Variants in FSTL4 observed in about 807,000 individuals in gnomAD.
The protein encoded by FSTL4 is follistatin-related protein 4.
In FSTL4, 28 loss-of-function variants were observed where a neutral mutation model predicts 78.2. The ratio of observed to expected loss-of-function variants is 0.36; its 90% CI spans 0.27 to 0.49. FSTL4 has a LOEUF of 0.49. Ranked by LOEUF, FSTL4 falls within the 20% of genes least tolerant of loss-of-function variation. The pLI is 0.98. For missense variants in FSTL4, 922 were observed against 1,084.9 expected (o/e 0.85, Z 2.11); for synonymous variants, 422 against 440.5 (o/e 0.96, Z 0.53).
At chr5:133,506,828 T>C (rs1758620952) in intron 3 of FSTL4, among the ~76,000 whole-genome samples, 1 of 152,238 alleles carries the variant, frequency 6.6e-6, no homozygotes, top group Non-Finnish European at 1.5e-5. Flanking sequence ...TAAATATTTG[T>C]TGGAGGAATG....
At chr5:133,717,093 G>A in the FSTL4 span, among the ~76,000 whole-genome samples, 1 of 152,204 alleles carries the variant, frequency 6.6e-6, no homozygotes, top group East Asian at 1.9e-4. Context: ...AAATCTGGGG[G>A]TTTATCATCA....
the FSTL4 span, among the ~76,000 whole-genome samples, chr5:133,826,354 A>G: frequency 6.6e-6 from 1 of 152,250 alleles, no homozygotes; most frequent in East Asian, 1.9e-4. Context: ...GGCTGCCATA[A>G]CAAAGGACCA....
At chr5:133,812,404 C>T in the FSTL4 span, among the ~76,000 whole-genome samples, 369 of 152,348 alleles carry the variant, frequency 2.4e-3, 4 homozygotes, top group Middle Eastern at 0.014. Flanking sequence ...TGTCCCCTGA[C>T]ACTTCTCCAT....
At position 133,400,923 on chromosome 5, in the gene FSTL4, C is replaced by T. The variant is rs368837848; in HGVS notation, c.224G>A (p.Arg75Gln). The stretch of plus-strand genomic sequence containing the variant: ...CCCTGTCTTCCTGCTGAGCACGCAC[C>T]GGCTCCCTCGGCTGCAGAACTTCTT... ...CGKKFCSRGS[R>Q]CVLSRKTGEP... The change falls in exon 4 of 16, where the codon CGG becomes CAG. Residue 75 changes from arginine (R) to glutamine (Q), a missense_variant. By Grantham distance (43) the Arg-to-Gln change is conservative. Coordinates refer to ENST00000265342, the MANE Select transcript of FSTL4 (RefSeq NM_015082.2). 8.2e-5 allele frequency: 132 copies of T among 1,613,338 alleles called. No homozygotes were observed. In the African/African-American group the frequency reaches 8.5e-4, roughly 10 times the overall value.
chr5:133,456,136 G>T (rs917654508), intron 3 of FSTL4, among the ~76,000 whole-genome samples: 1 of 152,224 alleles, frequency 6.6e-6, no homozygotes, highest in African/African-American at 2.4e-5. Context: ...TAATGTCCTG[G>T]TTATATTAGG....
intron 3 of FSTL4, among the ~76,000 whole-genome samples, chr5:133,494,457 G>A (rs562725043): frequency 7.9e-4 from 120 of 152,082 alleles, no homozygotes; most frequent in Non-Finnish European, 1.5e-3. Context: ...CTGAATCACT[G>A]GTGTTGTTAC....
rs191445412 is a variant in FSTL4 at position 133,440,612 on chromosome 5, T to C, written c.161-39626A>G. ...GCTAATAGTTTTCCATGGAGCTGGG[T>C]CACCTCCCTGGAGGCACAGGGTAGT... On this transcript the variant is annotated intron_variant, in intron 3 of 15. Coordinates refer to ENST00000265342, the MANE Select transcript of FSTL4 (RefSeq NM_015082.2). The surrounding 1 kb of genome is among the most constrained non-coding windows in gnomAD (Gnocchi z 4.1). Among the ~76,000 whole-genome samples the C allele has an allele frequency of 6.6e-6, 1 of 152,318 alleles. No individual in the cohort carries two copies. The highest frequency in any genetic ancestry group is 1.9e-4 in the East Asian group (1 of 5,188).
chr5:133,568,413 A>G (rs1191704200), intron 2 of FSTL4, among the ~76,000 whole-genome samples: 1 of 152,172 alleles, frequency 6.6e-6, no homozygotes, highest in East Asian at 1.9e-4. Context: ...ACACCTTAGC[A>G]TTCTTGTCTA....
At chr5:133,681,362 AG>A in the FSTL4 span, among the ~76,000 whole-genome samples, 401 of 152,296 alleles carry the variant, frequency 2.6e-3, no homozygotes, top group Non-Finnish European at 4.4e-3. Flanking sequence ...GGGGGATTGG[AG>A]GGGACTGCAA....
chr5:133,425,032 A>G (rs1421026662), intron 3 of FSTL4, among the ~76,000 whole-genome samples: 1 of 152,250 alleles, frequency 6.6e-6, no homozygotes, highest in African/African-American at 2.4e-5. Context: ...GGGTCTAACT[A>G]TTAGACTGTG....
Position 133,460,314 on chromosome 5 carries a change from G to A in FSTL4, c.161-59328C>T, listed in dbSNP as rs560623846. Among the ~76,000 whole-genome samples the A allele has an allele frequency of 5.9e-5, 9 of 151,902 alleles. 1 individual carries two copies. The South Asian group carries it at 1.9e-3, about 32-fold the overall frequency. ...ACCTTCCCCAGTGCTCTTTCCAAGG[G>A]CAGCAACCAAGCCACCGGGGGGATG... On this transcript the variant is annotated intron_variant, in intron 3 of 15. Transcript: ENST00000265342.
intron 3 of FSTL4, among the ~76,000 whole-genome samples, chr5:133,415,117 G>T (rs752826556): frequency 4.6e-5 from 7 of 152,238 alleles, no homozygotes; most frequent in Non-Finnish European, 1.0e-4. Context: ...TCTGATAGAA[G>T]AAATCAAAAG....
the FSTL4 span, among the ~76,000 whole-genome samples, chr5:133,699,273 C>A: frequency 6.6e-6 from 1 of 152,070 alleles, no homozygotes; most frequent in African/African-American, 2.4e-5. Flanking sequence ...GCCAGTCAGG[C>A]CATTTGGAGC....
the FSTL4 span, among the ~76,000 whole-genome samples, chr5:133,810,783 A>G: frequency 6.2e-4 from 94 of 152,302 alleles, no homozygotes; most frequent in African/African-American, 2.1e-3. Context: ...GGCCAGCACC[A>G]TGTTGCCTGT....
At chr5:133,788,649 C>T in the FSTL4 span, among the ~76,000 whole-genome samples, 80 of 152,350 alleles carry the variant, frequency 5.3e-4, no homozygotes, top group African/African-American at 1.9e-3. Context: ...ACAACACCTC[C>T]GTCAATCTCT....
the FSTL4 span, among the ~76,000 whole-genome samples, chr5:133,700,312 C>A: frequency 6.8e-6 from 1 of 147,914 alleles, no homozygotes; most frequent in Non-Finnish European, 1.5e-5. Context: ...ACCAAAACAT[C>A]ACACCAAAAC....
At chr5:133,717,204 G>A in the FSTL4 span, among the ~76,000 whole-genome samples, 1 of 152,178 alleles carries the variant, frequency 6.6e-6, no homozygotes, top group Non-Finnish European at 1.5e-5. Context: ...TCCAACAGTT[G>A]AGTGGATAAG....
chr5:133,839,453 GC>G, the FSTL4 span, among the ~76,000 whole-genome samples: 6 of 152,172 alleles, frequency 3.9e-5, no homozygotes, highest in Non-Finnish European at 5.9e-5. Flanking sequence ...TTAGCGTAAA[GC>G]CTCTGAAAAG....
intron 4 of FSTL4, among the ~76,000 whole-genome samples, chr5:133,340,067 C>T (rs1015473860): frequency 2.0e-5 from 3 of 152,114 alleles, no homozygotes; most frequent in African/African-American, 7.2e-5. Flanking sequence ...CCCCCACACT[C>T]GTGTTCCAGG....
Sources: allele counts gnomAD v4.1 joint callset (sites outside exome capture counted in the v4.1 genomes callset), GRCh38; gene constraint gnomAD v4.1.1; non-coding constraint Gnocchi (gnomAD v3.1); transcripts MANE v1.5; gene names NCBI Gene and HGNC (gene_info 2026-07-23, HGNC 2026-07-21).